The following LRP2 variants were observed in gnomAD, a reference collection of about 807,000 sequenced individuals.
LRP2 encodes the protein low-density lipoprotein receptor-related protein 2.
In LRP2, 172 loss-of-function variants were observed where a neutral mutation model predicts 531.0. The observed-to-expected ratio is 0.32, with a 90% CI of 0.29 to 0.37. LRP2 has a LOEUF of 0.37. Ranked by LOEUF, LRP2 falls within the 10% of genes least tolerant of loss-of-function variation. The pLI, the probability that LRP2 is intolerant of heterozygous loss-of-function variation, is 1.00. For missense variants in LRP2, 5,167 were observed against 5,868.3 expected (o/e 0.88, Z 3.90); for synonymous variants, 1,992 against 2,027.6 (o/e 0.98, Z 0.47).
At chr2:169,277,099 C>A (rs961479189) in intron 13 of LRP2, among the ~76,000 whole-genome samples, 19 of 148,530 alleles carry the variant, frequency 1.3e-4, no homozygotes, top group Non-Finnish European at 2.7e-4. Context: ...GAGGTTGAAG[C>A]AGGAGAATCA....
intron 67 of LRP2, 105 bp downstream of exon 67, chr2:169,152,694 T>G (rs1480999301): frequency 2.3e-6 from 3 of 1,295,226 alleles, no homozygotes; most frequent in South Asian, 1.2e-5. Flanking sequence ...CATGGCTGAG[T>G]GTACTCATAT....
chr2:169,313,190 C>G (rs1684664998), intron 3 of LRP2, among the ~76,000 whole-genome samples: 1 of 152,182 alleles, frequency 6.6e-6, no homozygotes. Flanking sequence ...TACCGATCGT[C>G]TGAAGCCTTC....
intron 1 of LRP2, among the ~76,000 whole-genome samples, chr2:169,333,117 T>G (rs758383909): frequency 1.3e-5 from 2 of 152,216 alleles, no homozygotes; most frequent in African/African-American, 2.4e-5. Context: ...TCTAGTAAAC[T>G]GAAGTCAACA....
At chr2:169,294,526 G>T in intron 5 of LRP2, 74 bp downstream of exon 5, 1 of 1,061,374 alleles carries the variant, frequency 9.4e-7, no homozygotes, top group Non-Finnish European at 1.5e-6. Context: ...GGGAAGAGAT[G>T]TACATATTGG....
chr2:169,283,058 C>A lies in LRP2; in HGVS notation c.1043-57G>T. ...AGGTTATCAGCATTTATTAAGCACT[C>A]TCTGACAAAAATCCTAGATAAGATG... On this transcript the variant is annotated intron_variant, in intron 9 of 78. Transcript: ENST00000649046. The A allele has an allele frequency of 5.0e-6, 8 of 1,590,982 alleles. No homozygotes were observed. In the South Asian group the frequency reaches 8.8e-5, roughly 18 times the overall value.
In LRP2 at chr2:169,220,456, A is replaced by C; in HGVS notation, c.5646T>G (p.Arg1882=). ...FPIGITVDPA[R]GKLYWSDQGT... The stretch of plus-strand genomic sequence containing the variant: ...ACGTGCCATTTATGAATACTCACCC[A>C]CGAGCAGGATCAACAGTTATGCCAA... The change falls in exon 34 of 79, where the codon CGT becomes CGG. Residue 1882 remains arginine, a splice_region_variant and synonymous_variant. Transcript: ENST00000649046. The C allele has an allele frequency of 1.2e-6, 2 of 1,611,256 alleles. No homozygotes were observed. The highest frequency in any genetic ancestry group is 1.7e-6 in the Non-Finnish European group (2 of 1,177,514).
At chr2:169,190,796 C>T (rs1322849068) in intron 48 of LRP2, among the ~76,000 whole-genome samples, 3 of 152,184 alleles carry the variant, frequency 2.0e-5, no homozygotes, top group Admixed American at 6.5e-5. Flanking sequence ...CTTGAGCAAG[C>T]GCCTTTCTGG....
intron 37 of LRP2, among the ~76,000 whole-genome samples, chr2:169,210,621 A>G (rs777902516): frequency 6.6e-6 from 1 of 152,220 alleles, no homozygotes; most frequent in African/African-American, 2.4e-5. Context: ...TAAAACATCA[A>G]TGTCATAGCA....
At position 169,205,483 on chromosome 2, in the gene LRP2, TAGCATCCACCCAGTAGAGAA is replaced by T. The variant is rs750721153; in HGVS notation, c.7691_7710del (p.Leu2564GlnfsTer6). On this transcript the variant is annotated frameshift_variant, in exon 41 of 79. Coordinates refer to ENST00000649046, the MANE Select transcript of LRP2 (RefSeq NM_004525.3). LOFTEE classifies it high-confidence loss of function. Reference sequence around the variant, plus strand: ...TGAGTAACCAGAGACACCTACAGACTAGCATCCACCCAGTAGAGAAGGTCCTCTTCATAGTCCAGAGTCAG... The same window carrying T: ...TGAGTAACCAGAGACACCTACAGACTGGTCCTCTTCATAGTCCAGAGTCAG... 6.2e-7 allele frequency: 1 copy of T among 1,614,116 alleles called. No individual in the cohort carries two copies. Among genetic ancestry groups the T allele is most frequent in the Non-Finnish European group, 8.5e-7 (1 of 1,179,994 alleles).
intron 76 of LRP2, among the ~76,000 whole-genome samples, chr2:169,135,172 C>G (rs1308858125): frequency 6.6e-6 from 1 of 152,192 alleles, no homozygotes; most frequent in African/African-American, 2.4e-5. Flanking sequence ...CATTTCCTTT[C>G]CATTGTGGAA....
chr2:169,146,071 C>A, intron 69 of LRP2, 148 bp from the exon 70 acceptor site: 1 of 758,578 alleles, frequency 1.3e-6, no homozygotes, highest in South Asian at 1.6e-5. Flanking sequence ...TTCAGGCTGA[C>A]TTTAGCTACA....
chr2:169,132,252 T>G (rs1327351352), intron 77 of LRP2, among the ~76,000 whole-genome samples: 1 of 152,242 alleles, frequency 6.6e-6, no homozygotes, highest in Admixed American at 6.5e-5. Context: ...CGTGAAATCT[T>G]TATTCATACT....
In LRP2 at chr2:169,362,385, C is replaced by T. The variant is rs563148343; in HGVS notation, c.15G>A (p.Pro5=). The T allele has an allele frequency of 1.3e-6, 2 of 1,565,734 alleles. No homozygotes were observed. Among genetic ancestry groups the T allele is most frequent in the Admixed American group, 1.8e-5 (1 of 54,648 alleles). The part of the protein sequence containing the change: MDRG[P]AAVACTLLLA... The stretch of plus-strand genomic sequence containing the variant: ...GGAGCAGCGTGCACGCCACTGCTGC[C>T]GGCCCGCGATCCATCTCCGCGACGG... Residue 5 remains proline (P), a synonymous_variant, in exon 1 of 79, where the codon CCG becomes CCA. Transcript: ENST00000649046.
At chr2:169,261,036 C>T (rs1382087254) in intron 16 of LRP2, among the ~76,000 whole-genome samples, 1 of 151,952 alleles carries the variant, frequency 6.6e-6, no homozygotes, top group Non-Finnish European at 1.5e-5. Context: ...GGGTGTCAGC[C>T]ACCTGGTGGG....
chr2:169,171,658 C>A (rs918897814), intron 58 of LRP2, among the ~76,000 whole-genome samples: 7 of 152,162 alleles, frequency 4.6e-5, no homozygotes, highest in Non-Finnish European at 8.8e-5. Flanking sequence ...CTCTACTTCT[C>A]TGGTCCTGGT....
In LRP2 at chr2:169,202,777, C is replaced by T. The variant is rs1688244879; in HGVS notation, c.8188G>A (p.Asp2730Asn). Reference sequence around the variant, plus strand: ...TCACCACAGACACTTTCCATCTCATCACTGCCATCCCCACAGTCGTTGTCA... The same window carrying T: ...TCACCACAGACACTTTCCATCTCATTACTGCCATCCCCACAGTCGTTGTCA... ...DNDNDCGDGS[D>N]EMESVCALHT... is the part of the protein sequence containing the mutation. Residue 2730 changes from aspartate (D) to asparagine (N), a missense_variant, in exon 43 of 79, where the codon GAT becomes AAT. Physicochemically the swap from Asp to Asn is conservative, Grantham distance 23. This residue lies in a region of LRP2 where 1,129 missense variants were observed against 1,362.7 expected (regional missense o/e 0.83). Transcript: ENST00000649046. 1 of 1,614,092 alleles carries T rather than the reference C, an allele frequency of 6.2e-7. No homozygotes were observed. Among genetic ancestry groups the T allele is most frequent in the Non-Finnish European group, 8.5e-7 (1 of 1,180,046 alleles).
intron 14 of LRP2, among the ~76,000 whole-genome samples, chr2:169,274,041 GT>G (rs1325926228): frequency 1.3e-5 from 2 of 152,138 alleles, no homozygotes; most frequent in Non-Finnish European, 2.9e-5. Context: ...ATTTCTAGTG[GT>G]TGGGCTTTTG....
intron 51 of LRP2, 39 bp from the exon 52 acceptor site, chr2:169,181,657 AAAG>A: frequency 6.3e-7 from 1 of 1,597,970 alleles, no homozygotes; most frequent in African/African-American, 1.4e-5. Context: ...CCTGATGCCA[AAAG>A]AAGTCAGTAG....
chr2:169,154,575 G>A lies in LRP2; in HGVS notation c.12180C>T (p.Asp4060=), dbSNP rs1275973188. Residue 4060 remains aspartate (D), a synonymous_variant, in exon 66 of 79, where the codon GAC becomes GAT. Transcript: ENST00000649046. ...GATTATATTTTCGAATTCGGACATTGTCAGGCAGTAGCAACAAAGGAGAGC... is the reference window on the plus strand; with the variant it reads ...GATTATATTTTCGAATTCGGACATTATCAGGCAGTAGCAACAAAGGAGAGC... The part of the protein sequence containing the change: ...EGSSPLLLLP[D]NVRIRKYNLS... 6.2e-7 allele frequency: 1 copy of A among 1,613,448 alleles called. No homozygotes were observed. The highest frequency in any genetic ancestry group is 1.3e-5 in the African/African-American group (1 of 74,890).
Sources: gnomAD v4.1 joint callset for allele counts (sites outside exome capture counted in the v4.1 genomes callset) on GRCh38, gnomAD v4.1.1 for gene constraint, gnomAD v4.1.1 regional missense constraint, MANE v1.5 for transcripts, NCBI Gene and HGNC (gene_info 2026-07-23, HGNC 2026-07-21) for gene names.